The following ZRANB3 variants were observed in gnomAD, a reference collection of about 807,000 sequenced individuals.
ZRANB3 encodes the protein DNA annealing helicase and endonuclease ZRANB3.
Under a neutral mutation model 133.8 loss-of-function variants are expected in ZRANB3, and 125 were observed. That is an observed-to-expected ratio of 0.93 (90% CI 0.81 to 1.08). The LOEUF is 1.08. Ranked by LOEUF, ZRANB3 falls within the 50% of genes least tolerant of loss-of-function variation. The pLI is 0.00. For missense variants in ZRANB3, 1,229 were observed against 1,275.5 expected, an observed-to-expected ratio of 0.96 and a Z score of 0.56; for synonymous variants, 387 against 432.7, an observed-to-expected ratio of 0.89 and a Z score of 1.31.
At chr2:135,388,425 TACA>T (rs1344554859) in intron 3 of ZRANB3, among the ~76,000 whole-genome samples, 1 of 152,192 alleles carries the variant, frequency 6.6e-6, no homozygotes, top group East Asian at 1.9e-4. Context: ...TCTAGATTTC[TACA>T]ACATCAAAAT....
At chr2:135,291,391 C>T (rs776970238) in intron 8 of ZRANB3, among the ~76,000 whole-genome samples, 3 of 151,782 alleles carry the variant, frequency 2.0e-5, no homozygotes, top group Non-Finnish European at 2.9e-5. Context: ...ACATGTTGGC[C>T]AGGCTGGTCT....
intron 8 of ZRANB3, among the ~76,000 whole-genome samples, chr2:135,301,199 T>C (rs1432948943): frequency 4.0e-5 from 6 of 151,782 alleles, no homozygotes. Context: ...TTTTTTTTTT[T>C]TTTGAGACAG....
chr2:135,291,509 G>A (rs1233486634), intron 8 of ZRANB3, among the ~76,000 whole-genome samples: 1 of 151,770 alleles, frequency 6.6e-6, no homozygotes, highest in Non-Finnish European at 1.5e-5. Flanking sequence ...AGGTTTGGTT[G>A]TTTAACGTAA....
intron 12 of ZRANB3, among the ~76,000 whole-genome samples, chr2:135,237,738 C>G (rs1046368977): frequency 6.8e-5 from 10 of 146,854 alleles, no homozygotes; most frequent in South Asian, 2.1e-4. Flanking sequence ...GGGAATTGAA[C>G]AATGAGAACA....
chr2:135,444,344 A>G (rs1574112856), intron 2 of ZRANB3, among the ~76,000 whole-genome samples: 2 of 152,202 alleles, frequency 1.3e-5, no homozygotes, highest in Non-Finnish European at 2.9e-5. Flanking sequence ...TTTATGCATA[A>G]TAGCCCCAAA....
chr2:135,377,110 CA>C (rs1686462671), intron 3 of ZRANB3, among the ~76,000 whole-genome samples: 1 of 152,100 alleles, frequency 6.6e-6, no homozygotes, highest in South Asian at 2.1e-4. Flanking sequence ...TGGAAATCAG[CA>C]ATTAAGTAAA....
At chr2:135,419,957 A>C (rs1688761818) in intron 2 of ZRANB3, among the ~76,000 whole-genome samples, 2 of 151,158 alleles carry the variant, frequency 1.3e-5, no homozygotes, top group South Asian at 4.2e-4. Flanking sequence ...AACACAATAG[A>C]ATTTGTTTTG....
rs145848028 is a variant in ZRANB3, at chr2:135,267,788, G to A, written c.1386+1174C>T. Among the ~76,000 whole-genome samples the A allele has an allele frequency of 5.3e-5, 8 of 152,188 alleles. No individual in the cohort carries two copies. The East Asian group carries it at 1.5e-3, about 29-fold the overall frequency. On this transcript the variant is annotated intron_variant, in intron 11 of 20. Transcript: ENST00000264159. ...AAAAAACATTTCATTGAAAAACAGT[G>A]CTATGGGCTGAATGTTTGTATCCCC...
intron 8 of ZRANB3, among the ~76,000 whole-genome samples, chr2:135,296,161 C>T (rs1682073806): frequency 6.6e-6 from 1 of 152,174 alleles, no homozygotes; most frequent in Non-Finnish European, 1.5e-5. Flanking sequence ...TGGATAATAT[C>T]CTGCAGAGTG....
intron 6 of ZRANB3, among the ~76,000 whole-genome samples, chr2:135,325,793 A>G (rs553232252): frequency 6.6e-6 from 1 of 152,214 alleles, no homozygotes; most frequent in Non-Finnish European, 1.5e-5. Flanking sequence ...CACAGCTGCT[A>G]ACATCATAAA....
At chr2:135,469,532 A>G (rs910223348) in intron 2 of ZRANB3, among the ~76,000 whole-genome samples, 2 of 152,170 alleles carry the variant, frequency 1.3e-5, no homozygotes, top group Admixed American at 6.6e-5. Flanking sequence ...CTAATGTATA[A>G]TAGAATTAAT....
intron 3 of ZRANB3, chr2:135,355,124 C>T (rs1685371551): frequency 1.6e-6 from 1 of 608,858 alleles, no homozygotes; most frequent in Non-Finnish European, 2.1e-6. Context: ...AAGCAAGTTT[C>T]CATTGAGAAA....
intron 8 of ZRANB3, among the ~76,000 whole-genome samples, chr2:135,296,764 G>C (rs1333946190): frequency 6.6e-6 from 1 of 152,100 alleles, no homozygotes; most frequent in Non-Finnish European, 1.5e-5. Flanking sequence ...TGGTGTGGAT[G>C]CCCTTTCTGT....
chr2:135,515,762 T>A (rs958629220), intron 1 of ZRANB3, among the ~76,000 whole-genome samples: 1 of 152,198 alleles, frequency 6.6e-6, no homozygotes, highest in African/African-American at 2.4e-5. Context: ...ATTCTGTTGA[T>A]TTGCGGTGGA....
intron 3 of ZRANB3, among the ~76,000 whole-genome samples, chr2:135,368,919 C>G (rs1162788227): frequency 6.6e-6 from 1 of 151,948 alleles, no homozygotes; most frequent in East Asian, 1.9e-4. Flanking sequence ...CTCGTCTTTT[C>G]TAATATTATT....
intron 12 of ZRANB3, among the ~76,000 whole-genome samples, chr2:135,240,654 T>C (rs891639299): frequency 6.6e-6 from 1 of 152,172 alleles, no homozygotes; most frequent in Non-Finnish European, 1.5e-5. Flanking sequence ...TCACAGCTCA[T>C]TGGAGTCTTG....
Position 135,207,853 on chromosome 2 carries a change from C to T in ZRANB3, c.2607-17G>A, listed in dbSNP as rs771697491. The T allele has an allele frequency of 3.2e-6, 5 of 1,580,356 alleles. No individual in the cohort carries two copies. In the East Asian group the frequency reaches 1.1e-4, roughly 36 times the overall value. On this transcript the variant is annotated splice_polypyrimidine_tract_variant and intron_variant, in intron 18 of 20. Transcript: ENST00000264159. ...AGAAGTTTTCTACAATTGATAAAAACACTGAATAGGTAACTAATGAATGAT... is the reference window on the plus strand; with the variant it reads ...AGAAGTTTTCTACAATTGATAAAAATACTGAATAGGTAACTAATGAATGAT...
At chr2:135,485,226 T>C (rs1692056678) in intron 2 of ZRANB3, among the ~76,000 whole-genome samples, 1 of 148,002 alleles carries the variant, frequency 6.8e-6, no homozygotes, top group Admixed American at 6.9e-5. Flanking sequence ...CCAAACACAG[T>C]TCCAAAGTAG....
intron 8 of ZRANB3, among the ~76,000 whole-genome samples, chr2:135,289,987 T>A (rs1681603806): frequency 6.6e-6 from 1 of 152,224 alleles, no homozygotes; most frequent in Admixed American, 6.5e-5. Context: ...TTAGAGAATG[T>A]TCCATGTGCT....
Sources: gnomAD v4.1 joint callset for allele counts (sites outside exome capture counted in the v4.1 genomes callset) on GRCh38, gnomAD v4.1.1 for gene constraint, MANE v1.5 for transcripts, NCBI Gene and HGNC (gene_info 2026-07-23, HGNC 2026-07-21) for gene names.